The following ASAP1 variants were observed in gnomAD, a reference collection of about 807,000 sequenced individuals.
ASAP1 encodes the protein ArfGAP with SH3 domain, ankyrin repeat and PH domain 1.
ASAP1 carries 43 observed loss-of-function variants against 145.2 expected under a neutral mutation model. The ratio of observed to expected loss-of-function variants is 0.30; its 90% CI spans 0.23 to 0.38. ASAP1 has a LOEUF of 0.38. Ranked by LOEUF, ASAP1 falls within the 10% of genes least tolerant of loss-of-function variation. The pLI is 1.00. For missense variants in ASAP1, 1,018 were observed against 1,355.3 expected, an observed-to-expected ratio of 0.75 and a Z score of 3.91; for synonymous variants, 546 against 515.5, an observed-to-expected ratio of 1.06 and a Z score of -0.80.
At chr8:130,191,782 T>A (rs1815156902) in intron 5 of ASAP1, among the ~76,000 whole-genome samples, 1 of 152,168 alleles carries the variant, frequency 6.6e-6, no homozygotes, top group South Asian at 2.1e-4. Flanking sequence ...CTAGGAAGTG[T>A]TGAATACATG....
chr8:130,319,594 T>C (rs1017783310), intron 3 of ASAP1, among the ~76,000 whole-genome samples: 3 of 152,158 alleles, frequency 2.0e-5, no homozygotes, highest in African/African-American at 7.2e-5. Context: ...CATCCACTGG[T>C]GGAAGCATTC....
rs528253275 is a variant in ASAP1 at position 130,133,370 on chromosome 8, C to G, written c.1217+926G>C. 2.0e-5 allele frequency among the ~76,000 whole-genome samples: 3 copies of G among 152,274 alleles called. No individual in the cohort carries two copies. The South Asian group carries it at 6.2e-4, about 32-fold the overall frequency. On this transcript the variant is annotated intron_variant, in intron 15 of 29. Transcript: ENST00000518721. ...GGTCAGGTGAGTGCAAAACTCCAAC[C>G]CAGGGGCCGGGCGCGGTGGCTCACG...
chr8:130,323,416 C>G (rs1466540513), intron 3 of ASAP1, among the ~76,000 whole-genome samples: 1 of 152,170 alleles, frequency 6.6e-6, no homozygotes, highest in Admixed American at 6.5e-5. Flanking sequence ...CCAACACTAT[C>G]AGACAAGGGA....
At chr8:130,322,448 T>C (rs946061211) in intron 3 of ASAP1, among the ~76,000 whole-genome samples, 1 of 152,196 alleles carries the variant, frequency 6.6e-6, no homozygotes, top group Non-Finnish European at 1.5e-5. Flanking sequence ...ATTGATCTTA[T>C]CCCAAACTGC....
intron 11 of ASAP1, among the ~76,000 whole-genome samples, chr8:130,160,462 C>G (rs1485441679): frequency 6.6e-6 from 1 of 152,208 alleles, no homozygotes; most frequent in Non-Finnish European, 1.5e-5. Flanking sequence ...ATTATTATGT[C>G]TCTCATTTTG....
intron 2 of ASAP1, chr8:130,361,740 T>G: frequency 6.5e-7 from 1 of 1,535,698 alleles, no homozygotes; most frequent in South Asian, 1.2e-5. Flanking sequence ...CCTCTCATTT[T>G]CTCAAATACT....
intron 3 of ASAP1, among the ~76,000 whole-genome samples, chr8:130,334,233 A>G (rs1376028565): frequency 6.6e-6 from 1 of 152,228 alleles, no homozygotes; most frequent in Non-Finnish European, 1.5e-5. Flanking sequence ...ACACATATAA[A>G]GAGGTACTCT....
intron 2 of ASAP1, among the ~76,000 whole-genome samples, chr8:130,371,148 T>C (rs1165799112): frequency 6.6e-6 from 1 of 152,220 alleles, no homozygotes; most frequent in African/African-American, 2.4e-5. Context: ...ATCTACTATA[T>C]ACAAGGCAAT....
chr8:130,166,196 A>G (rs1388366600), intron 11 of ASAP1, among the ~76,000 whole-genome samples: 2 of 152,084 alleles, frequency 1.3e-5, no homozygotes, highest in Non-Finnish European at 2.9e-5. Flanking sequence ...TTTTGTAGAC[A>G]CAGGCTCTTA....
intron 2 of ASAP1, among the ~76,000 whole-genome samples, chr8:130,369,850 C>T (rs1447314141): frequency 1.3e-5 from 2 of 152,152 alleles, no homozygotes; most frequent in Non-Finnish European, 2.9e-5. Context: ...ATCATCTGAC[C>T]CAGCAACTGC....
intron 3 of ASAP1, among the ~76,000 whole-genome samples, chr8:130,299,558 A>G (rs1224294319): frequency 6.6e-6 from 1 of 152,196 alleles, no homozygotes; most frequent in African/African-American, 2.4e-5. Context: ...GATGATATAC[A>G]TGTTTAGTTG....
intron 3 of ASAP1, among the ~76,000 whole-genome samples, chr8:130,300,961 T>C (rs1390142254): frequency 4.6e-5 from 7 of 152,202 alleles, no homozygotes; most frequent in African/African-American, 1.7e-4. Context: ...TGCCATCCTA[T>C]GTCTGGAAGG....
chr8:130,421,061 C>T (rs916928714), intron 1 of ASAP1, among the ~76,000 whole-genome samples: 6 of 152,096 alleles, frequency 3.9e-5, no homozygotes, highest in African/African-American at 4.8e-5. Flanking sequence ...TTGTTGGACC[C>T]GAATCTCAGC....
At chr8:130,137,777 T>A (rs910368711) in intron 13 of ASAP1, among the ~76,000 whole-genome samples, 1 of 152,106 alleles carries the variant, frequency 6.6e-6, no homozygotes, top group Non-Finnish European at 1.5e-5. Flanking sequence ...CCCTATAGTA[T>A]CTAGATAGTC....
chr8:130,094,500 G>A (rs544927978), intron 24 of ASAP1, among the ~76,000 whole-genome samples: 3 of 152,042 alleles, frequency 2.0e-5, no homozygotes, highest in Non-Finnish European at 2.9e-5. Context: ...GAGTCACCAC[G>A]CCTAGTCTAA....
At position 130,070,984 on chromosome 8, in the gene ASAP1, G is replaced by GGA. The variant is rs1238943264; in HGVS notation, c.2701+5362_2701+5363dup. ...GAGGGGGAGAGAGAGGGGGAGGGGG[G>GGA]GAGAGAGAGAGAGAGAGGGGAGGGG... On this transcript the variant is annotated intron_variant, in intron 27 of 29. Coordinates refer to ENST00000518721, the MANE Select transcript of ASAP1 (RefSeq NM_018482.4). 2.7e-3 allele frequency among the ~76,000 whole-genome samples: 78 copies of GGA among 29,382 alleles called. 1 individual carries two copies. Among genetic ancestry groups the GGA allele is most frequent in the African/African-American group, 3.4e-3 (13 of 3,880 alleles). 19.3% of individuals were successfully genotyped at this position (29,382 alleles called of 152,430 possible).
chr8:130,152,592 T>TC (rs1312318486), intron 13 of ASAP1, 144 bp downstream of exon 13: 4 of 229,648 alleles, frequency 1.7e-5, no homozygotes, highest in Admixed American at 6.0e-5. Context: ...AGATAAAACT[T>TC]TTTTTTTTTT....
chr8:130,125,316 G>A (rs190873111), intron 17 of ASAP1, among the ~76,000 whole-genome samples: 363 of 152,188 alleles, frequency 2.4e-3, no homozygotes, highest in African/African-American at 8.5e-3. Flanking sequence ...GGTATATCTC[G>A]GGGAGCAATT....
intron 3 of ASAP1, among the ~76,000 whole-genome samples, chr8:130,308,500 T>C (rs914673312): frequency 1.3e-5 from 2 of 152,162 alleles, no homozygotes; most frequent in South Asian, 2.1e-4. Context: ...TAAGCAAAAA[T>C]TGAGTAAGTG....
Sources: gnomAD v4.1 joint callset for allele counts (sites outside exome capture counted in the v4.1 genomes callset) on GRCh38, gnomAD v4.1.1 for gene constraint, MANE v1.5 for transcripts, NCBI Gene and HGNC (gene_info 2026-07-23, HGNC 2026-07-21) for gene names.